Variants in TCF4 observed in about 807,000 individuals in gnomAD.
TCF4 encodes the protein transcription factor 4.
In TCF4, 3 loss-of-function variants were observed where a neutral mutation model predicts 82.1. The ratio of observed to expected loss-of-function variants is 0.04; its 90% CI spans 0.02 to 0.09. The LOEUF (loss-of-function observed/expected upper bound fraction) is 0.09. TCF4 is among the 10% of genes least tolerant of loss of function. TCF4 has a pLI of 1.00. For synonymous variants in TCF4, 276 were observed against 309.6 expected, an observed-to-expected ratio of 0.89 and a Z score of 1.14; for missense variants, 518 against 852.7, an observed-to-expected ratio of 0.61 and a Z score of 4.89.
At chr18:55,530,267 A>G (rs2097045116) in intron 3 of TCF4, among the ~76,000 whole-genome samples, 1 of 152,178 alleles carries the variant, frequency 6.6e-6, no homozygotes. Flanking sequence ...TATGCTATGC[A>G]TCTTGGCTCC....
chr18:55,572,547 G>C (rs1187411918), intron 3 of TCF4, among the ~76,000 whole-genome samples: 1 of 152,102 alleles, frequency 6.6e-6, no homozygotes, highest in Non-Finnish European at 1.5e-5. Context: ...TTTCCTCCCT[G>C]TGACAAAATG....
intron 17 of TCF4, 111 bp from the exon 18 acceptor site, chr18:55,229,187 T>C: frequency 5.6e-6 from 7 of 1,254,454 alleles, no homozygotes; most frequent in Non-Finnish European, 3.5e-6. Context: ...TCTTATGCCA[T>C]GTTTTTGGCA....
intron 3 of TCF4, among the ~76,000 whole-genome samples, chr18:55,499,106 C>T (rs2096669174): frequency 6.6e-6 from 1 of 152,130 alleles, no homozygotes; most frequent in South Asian, 2.1e-4. Flanking sequence ...ATGAAAGGCA[C>T]CCATTTAATA....
At chr18:55,383,439 T>C (rs982279306) in intron 6 of TCF4, among the ~76,000 whole-genome samples, 5 of 152,144 alleles carry the variant, frequency 3.3e-5, no homozygotes, top group African/African-American at 1.2e-4. Flanking sequence ...CTTCCAAATA[T>C]AGCAAGCACC....
At chr18:55,395,572 A>T (rs1383562916) in intron 6 of TCF4, among the ~76,000 whole-genome samples, 3 of 152,192 alleles carry the variant, frequency 2.0e-5, no homozygotes, top group Non-Finnish European at 4.4e-5. Flanking sequence ...CTGTTGTTTC[A>T]TATATTTTAC....
intron 5 of TCF4, among the ~76,000 whole-genome samples, chr18:55,457,891 T>A (rs1478280196): frequency 6.6e-6 from 1 of 152,082 alleles, no homozygotes; most frequent in Non-Finnish European, 1.5e-5. Flanking sequence ...ACCATAGAGG[T>A]TATAAACAAA....
intron 5 of TCF4, among the ~76,000 whole-genome samples, chr18:55,407,569 A>G (rs1054994876): frequency 6.6e-6 from 1 of 151,992 alleles, no homozygotes; most frequent in Non-Finnish European, 1.5e-5. Flanking sequence ...ATGGCACCAA[A>G]TGGCAATCAA....
intron 15 of TCF4, 24 bp from the exon 16 acceptor site, chr18:55,234,707 G>A: frequency 6.2e-7 from 1 of 1,613,940 alleles, no homozygotes; most frequent in Non-Finnish European, 8.5e-7. Flanking sequence ...AGGAACCAGA[G>A]AGGTGAGCAG....
At chr18:55,440,221 G>C (rs17595731) in intron 5 of TCF4, among the ~76,000 whole-genome samples, 9,034 of 152,192 alleles carry the variant, frequency 0.059, 426 homozygotes, top group African/African-American at 0.13. Context: ...AAATTAACTA[G>C]ATAAAAACAC....
intron 6 of TCF4, among the ~76,000 whole-genome samples, chr18:55,360,050 C>G (rs1262463332): frequency 6.6e-6 from 1 of 152,142 alleles, no homozygotes; most frequent in East Asian, 1.9e-4. Flanking sequence ...CCAGGAGAAA[C>G]AGATTCAGTA....
intron 5 of TCF4, among the ~76,000 whole-genome samples, chr18:55,446,386 G>C (rs1370767449): frequency 2.0e-5 from 3 of 152,126 alleles, no homozygotes; most frequent in African/African-American, 7.2e-5. Context: ...TCTATTAGTT[G>C]CAGCTGAACC....
chr18:55,369,427 T>C (rs1280959403), intron 6 of TCF4, among the ~76,000 whole-genome samples: 2 of 152,198 alleles, frequency 1.3e-5, no homozygotes, highest in African/African-American at 4.8e-5. Context: ...GAAGTCCCAC[T>C]TGATTTGAGG....
chr18:55,382,597 G>T (rs1267814226), intron 6 of TCF4, among the ~76,000 whole-genome samples: 1 of 152,078 alleles, frequency 6.6e-6, no homozygotes, highest in African/African-American at 2.4e-5. Flanking sequence ...AAGCACGCAG[G>T]TGAGTCATGT....
intron 2 of TCF4, among the ~76,000 whole-genome samples, chr18:55,627,671 A>C (rs540438780): frequency 4.9e-4 from 75 of 152,214 alleles, no homozygotes; most frequent in Admixed American, 9.2e-4. Flanking sequence ...AGGCTGAGGC[A>C]GGACAATTGC....
At chr18:55,571,357 T>C (rs1264310479) in intron 3 of TCF4, among the ~76,000 whole-genome samples, 3 of 152,180 alleles carry the variant, frequency 2.0e-5, no homozygotes, top group Admixed American at 6.5e-5. Flanking sequence ...CAGTATTGTT[T>C]AGGGATACAT....
At chr18:55,352,524 C>A (rs2082530333) in intron 6 of TCF4, among the ~76,000 whole-genome samples, 3 of 152,062 alleles carry the variant, frequency 2.0e-5, no homozygotes, top group Admixed American at 2.0e-4. Context: ...GATGAGATTT[C>A]AGATTGAAAG....
chr18:55,523,465 T>C (rs2096950562), intron 3 of TCF4, among the ~76,000 whole-genome samples: 1 of 151,918 alleles, frequency 6.6e-6, no homozygotes, highest in Non-Finnish European at 1.5e-5. Flanking sequence ...GAAAAATATA[T>C]AACAATAAGT....
chr18:55,629,037 C>T (rs1488700262), intron 2 of TCF4, among the ~76,000 whole-genome samples: 1 of 152,064 alleles, frequency 6.6e-6, no homozygotes, highest in Non-Finnish European at 1.5e-5. Context: ...CACAAAGTTC[C>T]CATGTAATAA....
chr18:55,573,629 A>C (rs2097498903), intron 3 of TCF4, among the ~76,000 whole-genome samples: 1 of 151,842 alleles, frequency 6.6e-6, no homozygotes, highest in Non-Finnish European at 1.5e-5. Context: ...CAGCCAAGCA[A>C]CCTCCATCCA....
Sources: allele counts gnomAD v4.1 joint callset (sites outside exome capture counted in the v4.1 genomes callset), GRCh38; gene constraint gnomAD v4.1.1; transcripts MANE v1.5; gene names NCBI Gene and HGNC (gene_info 2026-07-23, HGNC 2026-07-21).